Variants in TLCD3A observed in about 807,000 individuals in gnomAD.
TLCD3A encodes the protein TLC domain-containing protein 3A.
TLCD3A carries 17 observed loss-of-function variants against 29.9 expected under a neutral mutation model. The ratio of observed to expected loss-of-function variants is 0.57; its 90% CI spans 0.39 to 0.85. The LOEUF is 0.85. Ranked by LOEUF, TLCD3A falls within the 40% of genes least tolerant of loss-of-function variation. TLCD3A has a pLI of 0.00. For missense variants in TLCD3A, 332 were observed against 350.8 expected (o/e 0.95, Z 0.43); for synonymous variants, 143 against 147.7 (o/e 0.97, Z 0.23).
intron 4 of TLCD3A, among the ~76,000 whole-genome samples, chr17:741,020 C>T (rs1241105373): frequency 2.0e-5 from 3 of 152,198 alleles, no homozygotes; most frequent in African/African-American, 7.2e-5. Context: ...CTTTAATCCA[C>T]GGTTCCTGTA....
intron 2 of TLCD3A, among the ~76,000 whole-genome samples, chr17:735,530 T>C (rs1974140887): frequency 6.6e-6 from 1 of 152,176 alleles, no homozygotes; most frequent in African/African-American, 2.4e-5. Flanking sequence ...AAACCCTAGG[T>C]TCCCTTCAAG....
At chr17:738,102 T>TTTTATTTTTA in intron 3 of TLCD3A, 55 bp downstream of exon 3, 1 of 1,297,552 alleles carries the variant, frequency 7.7e-7, no homozygotes, top group East Asian at 2.4e-5. Context: ...GTGTCTTTTT[T>TTTTATTTTTA]TTTTTTTTTT....
chr17:738,096 CT>C (rs371294933), intron 3 of TLCD3A, 49 bp downstream of exon 3: 18,291 of 500,428 alleles, frequency 0.037, 9 homozygotes, highest in Non-Finnish European at 0.046. Flanking sequence ...AGCTGGGTGT[CT>C]TTTTTTTTTT....
At chr17:740,971 G>A (rs1379793462) in intron 4 of TLCD3A, among the ~76,000 whole-genome samples, 2 of 152,200 alleles carry the variant, frequency 1.3e-5, no homozygotes, top group Admixed American at 6.5e-5. Flanking sequence ...TTGATAGTTT[G>A]ATACAGCTCA....
Position 733,210 on chromosome 17 carries a change from A to G in TLCD3A, c.206+29A>G, listed in dbSNP as rs7213108. ...AGAGCCCGGGCCGGGGCCTTGTTGC[A>G]AATGTCACATTTCAGTAGCTCGCAG... On this transcript the variant is annotated intron_variant, in intron 2 of 4. Transcript: ENST00000308278. 15,961 of 1,508,942 alleles carry G rather than the reference A, an allele frequency of 0.011. 1,308 individuals are homozygous for G. In the African/African-American group the frequency reaches 0.19, roughly 18 times the overall value. 93.5% of individuals were successfully genotyped at this position (1,508,942 alleles called of 1,614,324 possible). A position where few individuals can be genotyped will look rare whatever the true frequency, so the allele number is the denominator to read the frequency against.
intron 3 of TLCD3A, 149 bp from the exon 4 acceptor site, chr17:740,356 C>T: frequency 1.5e-6 from 1 of 662,612 alleles, no homozygotes; most frequent in East Asian, 2.8e-5. Flanking sequence ...GTGCTGTTGC[C>T]ACGGAAGCAG....
intron 3 of TLCD3A, among the ~76,000 whole-genome samples, chr17:738,551 C>T: frequency 6.6e-6 from 1 of 152,184 alleles, no homozygotes; most frequent in Admixed American, 6.5e-5. Context: ...GTTCATGATC[C>T]TCCTTACCAA....
In TLCD3A at chr17:741,793, C is replaced by T. The variant is rs1206621818; in HGVS notation, c.*223C>T. ...TTGGGTCCTGTCAGACCTCCACGGA[C>T]AGCAAAGTGGTTTTAATGCAAGCCC... is the stretch of plus-strand genomic sequence containing the variant. On this transcript the variant is annotated 3_prime_UTR_variant, in exon 5 of 5. Transcript: ENST00000308278. 11 of 587,830 alleles carry T rather than the reference C, an allele frequency of 1.9e-5. No homozygotes were observed. In the Admixed American group the frequency reaches 2.4e-4, roughly 13 times the overall value. 36.4% of individuals were successfully genotyped at this position (587,830 alleles called of 1,614,324 possible). A position where few individuals can be genotyped will look rare whatever the true frequency, so the allele number is the denominator to read the frequency against.
chr17:733,560 A>G (rs1974109829), intron 2 of TLCD3A, among the ~76,000 whole-genome samples: 1 of 152,136 alleles, frequency 6.6e-6, no homozygotes, highest in Non-Finnish European at 1.5e-5. Context: ...CCCTCCATGG[A>G]AAGGAACCAA....
chr17:735,681 T>G (rs115714847), intron 2 of TLCD3A, among the ~76,000 whole-genome samples: 2,168 of 152,064 alleles, frequency 0.014, 53 homozygotes, highest in African/African-American at 0.049. Flanking sequence ...GAAACCTAGC[T>G]AGGTCGGGTG....
intron 2 of TLCD3A, among the ~76,000 whole-genome samples, chr17:735,456 C>CA (rs1974139615): frequency 2.6e-5 from 4 of 152,200 alleles, no homozygotes; most frequent in Non-Finnish European, 1.5e-5. Context: ...GCTAATAAAT[C>CA]TTCAGAGGAT....
intron 2 of TLCD3A, among the ~76,000 whole-genome samples, chr17:733,536 TG>T (rs745622908): frequency 6.6e-5 from 10 of 152,172 alleles, no homozygotes; most frequent in Non-Finnish European, 1.5e-4. Flanking sequence ...ACGTCCAGTG[TG>T]GTTAGCAGAG....
chr17:735,537 C>T (rs1974140997), intron 2 of TLCD3A, among the ~76,000 whole-genome samples: 1 of 152,184 alleles, frequency 6.6e-6, no homozygotes, highest in Non-Finnish European at 1.5e-5. Context: ...AGGTTCCCTT[C>T]AAGGGGAGAG....
At chr17:740,714 A>G in intron 4 of TLCD3A, 114 bp downstream of exon 4, 1 of 1,085,282 alleles carries the variant, frequency 9.2e-7, no homozygotes, top group South Asian at 1.4e-5. Flanking sequence ...AATGGCAGAG[A>G]GAGTGAAGGT....
chr17:733,045 T>A (rs991957259), intron 1 of TLCD3A, 53 bp from the exon 2 acceptor site: 1 of 1,506,918 alleles, frequency 6.6e-7, no homozygotes, highest in East Asian at 2.5e-5. Flanking sequence ...CCGGGCTCCC[T>A]GCGGTCCTCG....
intron 1 of TLCD3A, 92 bp downstream of exon 1, chr17:732,861 G>A: frequency 7.3e-7 from 1 of 1,365,620 alleles, no homozygotes; most frequent in South Asian, 1.7e-5. Flanking sequence ...AAGGGGGGCG[G>A]CAGGAAGCCC....
In TLCD3A at chr17:733,830, C is replaced by T. The variant is rs116788685; in HGVS notation, c.206+649C>T. 7.3e-3 allele frequency among the ~76,000 whole-genome samples: 1,109 copies of T among 152,082 alleles called. 14 individuals carry two copies. The highest frequency in any genetic ancestry group is 0.025 in the African/African-American group (1,055 of 41,480). Reference sequence around the variant, plus strand: ...TATTTCAAGCCTTTTTTTTCCCCACCGGTCTTGCTGGAATCACACTCACTT... The same window carrying T: ...TATTTCAAGCCTTTTTTTTCCCCACTGGTCTTGCTGGAATCACACTCACTT... On this transcript the variant is annotated intron_variant, in intron 2 of 4. Transcript: ENST00000308278.
chr17:732,826 C>A (rs1974090776), intron 1 of TLCD3A, 57 bp downstream of exon 1: 2 of 1,390,486 alleles, frequency 1.4e-6, no homozygotes, highest in Admixed American at 3.5e-5. Context: ...CCGCACCCCA[C>A]CCGGCCGCGG....
chr17:739,744 G>A (rs1266443351), intron 3 of TLCD3A, among the ~76,000 whole-genome samples: 1 of 152,194 alleles, frequency 6.6e-6, no homozygotes, highest in Non-Finnish European at 1.5e-5. Flanking sequence ...ATCTCTCAGT[G>A]GTACTAAGTG....
Sources: allele counts gnomAD v4.1 joint callset (sites outside exome capture counted in the v4.1 genomes callset), GRCh38; gene constraint gnomAD v4.1.1; transcripts MANE v1.5; gene names NCBI Gene and HGNC (gene_info 2026-07-23, HGNC 2026-07-21).